ROR1: variants seen among roughly 807,000 people sequenced by gnomAD.
The protein encoded by ROR1 is ROR family WNT receptor 1, also known as inactive tyrosine-protein kinase transmembrane receptor ROR1.
A neutral mutation model predicts 78.8 loss-of-function variants in ROR1; 19 were observed. The ratio of observed to expected loss-of-function variants is 0.24; its 90% CI spans 0.17 to 0.35. The LOEUF is 0.35. Among genes scored for constraint, ROR1 ranks in the 10% least tolerant of loss-of-function variants. The probability of loss-of-function intolerance (pLI) is 1.00; values close to 1 mark genes in which losing one functional copy is unlikely to be tolerated. For synonymous variants in ROR1, 386 were observed against 433.6 expected, an observed-to-expected ratio of 0.89 and a Z score of 1.36; for missense variants, 917 against 1,177.8, an observed-to-expected ratio of 0.78 and a Z score of 3.24.
At chr1:64,006,637 A>T (rs542768709) in intron 1 of ROR1, among the ~76,000 whole-genome samples, 3 of 152,256 alleles carry the variant, frequency 2.0e-5, no homozygotes, top group African/African-American at 7.2e-5. Context: ...ATATTTTGGA[A>T]TTAAGATCCC....
intron 1 of ROR1, among the ~76,000 whole-genome samples, chr1:63,842,230 CTT>C (rs1479544606): frequency 6.7e-6 from 1 of 148,294 alleles, no homozygotes; most frequent in Non-Finnish European, 1.5e-5. Flanking sequence ...GGATTTGAGA[CTT>C]TATCTTACTT....
At chr1:63,912,108 G>A (rs1292662295) in intron 1 of ROR1, among the ~76,000 whole-genome samples, 2 of 133,770 alleles carry the variant, frequency 1.5e-5, no homozygotes, top group African/African-American at 5.5e-5. Flanking sequence ...GAAACAGAGT[G>A]AGATCCCCAT....
intron 1 of ROR1, among the ~76,000 whole-genome samples, chr1:63,919,343 C>T (rs955595143): frequency 6.6e-6 from 1 of 152,188 alleles, no homozygotes; most frequent in East Asian, 1.9e-4. Flanking sequence ...TGGCCGCTAC[C>T]GAGAGGTTTT....
At chr1:64,073,353 T>A (rs918766384) in intron 4 of ROR1, among the ~76,000 whole-genome samples, 1 of 150,684 alleles carries the variant, frequency 6.6e-6, no homozygotes, top group African/African-American at 2.4e-5. Context: ...TTTACCCATT[T>A]TTCTCCATGG....
chr1:64,026,248 A>G (rs1402403846), intron 2 of ROR1, among the ~76,000 whole-genome samples: 1 of 152,058 alleles, frequency 6.6e-6, no homozygotes, highest in African/African-American at 2.4e-5. Context: ...CTAATCTTAT[A>G]CTCAGTAGCT....
At chr1:64,116,503 G>A (rs1648320876) in intron 4 of ROR1, among the ~76,000 whole-genome samples, 1 of 152,148 alleles carries the variant, frequency 6.6e-6, no homozygotes, top group Non-Finnish European at 1.5e-5. Flanking sequence ...TTTTACGAAA[G>A]GAATATGTTG....
At position 64,052,660 on chromosome 1, in the gene ROR1, G is replaced by A. The variant is rs534449851; in HGVS notation, c.482+1944G>A. 5.3e-5 allele frequency among the ~76,000 whole-genome samples: 8 copies of A among 152,180 alleles called. No individual in the cohort carries two copies. In the South Asian group the frequency reaches 1.0e-3, roughly 20 times the overall value. Reference sequence around the variant, plus strand: ...GCTAAAAAGTATCCTTTGATATCACGCATCTCTGTTTTATATTAGCTGTCA... The same window carrying A: ...GCTAAAAAGTATCCTTTGATATCACACATCTCTGTTTTATATTAGCTGTCA... On this transcript the variant is annotated intron_variant, in intron 4 of 8. Transcript: ENST00000371079.
At chr1:64,021,178 G>A (rs908566774) in intron 2 of ROR1, among the ~76,000 whole-genome samples, 12 of 152,106 alleles carry the variant, frequency 7.9e-5, no homozygotes, top group Admixed American at 4.6e-4. Context: ...CAGACCAGAC[G>A]AACTCTGGCC....
Position 63,881,137 on chromosome 1 carries a change from C to A in ROR1, c.91+106629C>A, listed in dbSNP as rs1390111. On this transcript the variant is annotated intron_variant, in intron 1 of 8. Transcript: ENST00000371079. ...GGTGATGCTGCTGGCCCTTATTTGA[C>A]CTTTACATAAGCACAGCTGCCTCTG... is the stretch of plus-strand genomic sequence containing the variant. Among the ~76,000 whole-genome samples the A allele has an allele frequency of 9.6e-3, 1,455 of 152,202 alleles. 20 individuals carry two copies. Among genetic ancestry groups the A allele is most frequent in the African/African-American group, 0.033 (1,381 of 41,520 alleles).
intron 1 of ROR1, among the ~76,000 whole-genome samples, chr1:63,817,663 A>G (rs1644900348): frequency 6.6e-6 from 1 of 152,182 alleles, no homozygotes; most frequent in Non-Finnish European, 1.5e-5. Flanking sequence ...GGTGCAGGGA[A>G]GCACAACGAG....
intron 4 of ROR1, among the ~76,000 whole-genome samples, chr1:64,098,085 C>T (rs1474416748): frequency 6.6e-6 from 1 of 152,110 alleles, no homozygotes; most frequent in Non-Finnish European, 1.5e-5. Flanking sequence ...TTCTGCCACT[C>T]GACAGGAACT....
Position 63,863,707 on chromosome 1 carries a change from C to CATTGTATTGT in ROR1, c.91+89287_91+89296dup, listed in dbSNP as rs61123882. Among the ~76,000 whole-genome samples the CATTGTATTGT allele has an allele frequency of 4.4e-3, 290 of 66,012 alleles. 25 individuals are homozygous for CATTGTATTGT. The highest frequency in any genetic ancestry group is 0.012 in the East Asian group (27 of 2,218). 43.3% of individuals were successfully genotyped at this position (66,012 alleles called of 152,430 possible). On this transcript the variant is annotated intron_variant, in intron 1 of 8. Transcript: ENST00000371079. The stretch of plus-strand genomic sequence containing the variant: ...TACATTTTCCAGCATTCAACACTGC[C>CATTGTATTGT]ATTGTATTGTATTGTATTGTATTGT...
chr1:63,949,188 G>A lies in ROR1; in HGVS notation c.92-60117G>A, dbSNP rs1003113009. 7.2e-5 allele frequency among the ~76,000 whole-genome samples: 11 copies of A among 152,190 alleles called. No individual in the cohort carries two copies. The South Asian group carries it at 1.2e-3, about 17-fold the overall frequency. ...GCACAGAAAGGGGTTAGGGCAAGTCGGGGACATGGAAAAGAAAAAAGGAAA... is the reference window on the plus strand; with the variant it reads ...GCACAGAAAGGGGTTAGGGCAAGTCAGGGACATGGAAAAGAAAAAAGGAAA... On this transcript the variant is annotated intron_variant, in intron 1 of 8. Transcript: ENST00000371079.
intron 1 of ROR1, among the ~76,000 whole-genome samples, chr1:63,964,507 A>G (rs1296589612): frequency 6.6e-6 from 1 of 152,268 alleles, no homozygotes; most frequent in African/African-American, 2.4e-5. Flanking sequence ...TTGTATGTCT[A>G]GAACTGTGCC....
At chr1:63,965,638 G>C (rs1278710585) in intron 1 of ROR1, among the ~76,000 whole-genome samples, 3 of 152,114 alleles carry the variant, frequency 2.0e-5, no homozygotes, top group Non-Finnish European at 4.4e-5. Context: ...TCCGAGAATT[G>C]AAAGTGTTTA....
At chr1:63,967,463 C>T (rs1005468680) in intron 1 of ROR1, among the ~76,000 whole-genome samples, 11 of 152,118 alleles carry the variant, frequency 7.2e-5, no homozygotes, top group South Asian at 4.1e-4. Context: ...TAGGCTCCAT[C>T]GATCCTCCTG....
intron 4 of ROR1, among the ~76,000 whole-genome samples, chr1:64,101,252 G>A (rs531283377): frequency 7.9e-5 from 12 of 152,136 alleles, no homozygotes; most frequent in Admixed American, 6.6e-5. Context: ...GCCTGAGGCC[G>A]TGGAGAGGCT....
At chr1:63,930,014 G>C (rs1444835306) in intron 1 of ROR1, among the ~76,000 whole-genome samples, 1 of 151,918 alleles carries the variant, frequency 6.6e-6, no homozygotes, top group Non-Finnish European at 1.5e-5. Context: ...TGTGCAGAAC[G>C]TGCAGGTTTG....
At chr1:64,130,736 T>C (rs1648884903) in intron 4 of ROR1, among the ~76,000 whole-genome samples, 1 of 152,232 alleles carries the variant, frequency 6.6e-6, no homozygotes, top group Admixed American at 6.5e-5. Context: ...AAAGTTTCTA[T>C]GTCTCTGATC....
Sources: gnomAD v4.1 joint callset for allele counts (sites outside exome capture counted in the v4.1 genomes callset) on GRCh38, gnomAD v4.1.1 for gene constraint, MANE v1.5 for transcripts, NCBI Gene and HGNC (gene_info 2026-07-23, HGNC 2026-07-21) for gene names.